Variants in PCTP observed in about 807,000 individuals in gnomAD.
PCTP encodes the protein phosphatidylcholine transfer protein, also known as START domain-containing protein 2.
Under a neutral mutation model 31.0 loss-of-function variants are expected in PCTP, and 27 were observed. The ratio of observed to expected loss-of-function variants is 0.87; its 90% CI spans 0.64 to 1.20. The LOEUF is 1.20. Among genes scored for constraint, PCTP ranks in the 50% most tolerant of loss-of-function variants. The pLI, the probability that PCTP is intolerant of heterozygous loss-of-function variation, is 0.00. For missense variants in PCTP, 287 were observed against 268.2 expected (o/e 1.07, Z -0.49); for synonymous variants, 108 against 101.2 (o/e 1.07, Z -0.40).
intron 1 of PCTP, among the ~76,000 whole-genome samples, chr17:55,755,203 G>A (rs915563273): frequency 6.6e-6 from 1 of 152,102 alleles, no homozygotes; most frequent in Non-Finnish European, 1.5e-5. Context: ...TGGACTGATG[G>A]TCCTTTAAGG....
chr17:55,841,085 G>T (rs900559394), intron 5 of PCTP, among the ~76,000 whole-genome samples: 1 of 152,232 alleles, frequency 6.6e-6, no homozygotes, highest in Non-Finnish European at 1.5e-5. Context: ...GTATGTGTAT[G>T]TGTGTTTGCA....
intron 5 of PCTP, among the ~76,000 whole-genome samples, chr17:55,832,424 G>C (rs765737812): frequency 1.3e-5 from 2 of 152,190 alleles, no homozygotes; most frequent in African/African-American, 2.4e-5. Context: ...AGGAAGGCTT[G>C]GAATGAAGAA....
intron 3 of PCTP, among the ~76,000 whole-genome samples, chr17:55,803,423 C>T (rs557786164): frequency 1.3e-5 from 2 of 152,094 alleles, no homozygotes; most frequent in African/African-American, 4.8e-5. Context: ...GCCAAAAGAA[C>T]GAAGCTGAAG....
chr17:55,819,010 C>CAAAAAAAAAAAAAAAAAAAAAAAA (rs56823756), intron 3 of PCTP, among the ~76,000 whole-genome samples: 3 of 51,110 alleles, frequency 5.9e-5, no homozygotes, highest in Non-Finnish European at 7.4e-5. Context: ...GGAAAGAAAT[C>CAAAAAAAAAAAAAAAAAAAAAAAA]AAAAAAAAAA....
chr17:55,814,232 G>A (rs764516749), intron 3 of PCTP, among the ~76,000 whole-genome samples: 2 of 152,058 alleles, frequency 1.3e-5, no homozygotes, highest in African/African-American at 4.8e-5. Flanking sequence ...GAAGGGACAT[G>A]CACATTTGTC....
intron 3 of PCTP, among the ~76,000 whole-genome samples, chr17:55,771,923 C>T (rs1385181592): frequency 1.3e-5 from 2 of 152,134 alleles, no homozygotes; most frequent in Non-Finnish European, 2.9e-5. Flanking sequence ...GAGTGTTTTA[C>T]AGGTTCAATT....
downstream of PCTP, among the ~76,000 whole-genome samples, chr17:55,825,419 C>T (rs527792167): frequency 7.2e-5 from 11 of 152,190 alleles, no homozygotes; most frequent in Non-Finnish European, 1.5e-4. Context: ...CCAAATTAAG[C>T]GTTAGATGTT....
At position 55,832,811 on chromosome 17, in the gene PCTP, G is replaced by A. The variant is rs184775839; in HGVS notation, n.505+9884G>A. On this transcript the variant is annotated intron_variant and non_coding_transcript_variant, in intron 5 of 5. Coordinates refer to the PCTP transcript ENST00000576221. ...ATTGCCTGTGTTCTGCTAGGCCCTG[G>A]ACATTGGAGTATGATTTACAACATC... Among the ~76,000 whole-genome samples, 339 of 152,272 alleles carry A rather than the reference G, an allele frequency of 2.2e-3. 1 individual carries two copies. The highest frequency in any genetic ancestry group is 0.01 in the Middle Eastern group (3 of 294).
chr17:55,783,369 G>C (rs1162455536), intron 2 of PCTP, among the ~76,000 whole-genome samples: 1 of 152,142 alleles, frequency 6.6e-6, no homozygotes, highest in Non-Finnish European at 1.5e-5. Flanking sequence ...CCAGAATCCT[G>C]AAAGAAGAAA....
At chr17:55,810,801 G>A (rs898338680) in intron 3 of PCTP, among the ~76,000 whole-genome samples, 4 of 152,224 alleles carry the variant, frequency 2.6e-5, no homozygotes, top group African/African-American at 9.7e-5. Context: ...TATGTGTTGA[G>A]CTAATGGGGC....
chr17:55,755,779 A>G (rs1208758233), intron 1 of PCTP, among the ~76,000 whole-genome samples: 1 of 152,142 alleles, frequency 6.6e-6, no homozygotes, highest in Non-Finnish European at 1.5e-5. Context: ...TTGATGCTGC[A>G]AATTATAAAT....
the PCTP span, among the ~76,000 whole-genome samples, chr17:55,848,029 T>G: frequency 6.6e-6 from 1 of 152,280 alleles, no homozygotes; most frequent in African/African-American, 2.4e-5. Context: ...TTCAAGCAAT[T>G]CTCATGCTTC....
rs562576371 is a variant in PCTP, at chr17:55,790,710, G to A, written c.317+3056G>A. Among the ~76,000 whole-genome samples the A allele has an allele frequency of 2.0e-3, 297 of 151,090 alleles. 2 individuals carry two copies. The highest frequency in any genetic ancestry group is 7.0e-3 in the African/African-American group (287 of 40,860). On this transcript the variant is annotated intron_variant, in intron 3 of 3. Transcript: ENST00000572536. ...CACATGGGTAGGAAGAATCAATATC[G>A]TGAAAATGGCCATACTGCCCAAGGT...
At chr17:55,765,502 A>C (rs1355844193) in intron 1 of PCTP, among the ~76,000 whole-genome samples, 1 of 152,006 alleles carries the variant, frequency 6.6e-6, no homozygotes, top group Non-Finnish European at 1.5e-5. Flanking sequence ...TTACCTCCAA[A>C]ATATATCCTT....
At chr17:55,845,085 CA>C (rs891404386), downstream of PCTP, among the ~76,000 whole-genome samples, 589 of 32,482 alleles carry the variant, frequency 0.018, no homozygotes, top group East Asian at 0.028. Flanking sequence ...AAAACTCCAT[CA>C]AAAAAAAAAA....
rs1276121859 is a variant in PCTP at position 55,751,229 on chromosome 17, C to G, written c.126C>G (p.Tyr42Ter). 1 of 1,541,894 alleles carries G rather than the reference C, an allele frequency of 6.5e-7. No individual in the cohort carries two copies. The highest frequency in any genetic ancestry group is 1.4e-5 in the African/African-American group (1 of 72,514). ...LLVETSGISI[Y>*]RLLDKKTGLY... ...TGGAGACCTCGGGCATCAGCATCTA[C>G]CGGCTGCTGGACAAGGTAGCGGCCA... Residue 42 changes from tyrosine (Y) to a stop codon, truncating the protein, a stop_gained, in exon 1 of 6, where the codon TAC becomes TAG. Transcript: ENST00000268896. LOFTEE classifies it high-confidence loss of function.
chr17:55,764,842 A>G (rs765522165), intron 1 of PCTP, among the ~76,000 whole-genome samples: 9 of 152,196 alleles, frequency 5.9e-5, no homozygotes, highest in Non-Finnish European at 1.2e-4. Context: ...AGTTCATCCA[A>G]AAGTTTATGT....
chr17:55,767,284 T>G (rs922077305), intron 1 of PCTP, 51 bp from the exon 2 acceptor site: 12 of 1,158,198 alleles, frequency 1.0e-5, no homozygotes, highest in Non-Finnish European at 1.5e-5. Flanking sequence ...GAATGCAGCT[T>G]TCTCTCAACT....
chr17:55,758,109 A>T (rs1314578547), intron 1 of PCTP, among the ~76,000 whole-genome samples: 5 of 152,224 alleles, frequency 3.3e-5, no homozygotes, highest in Non-Finnish European at 5.9e-5. Context: ...AGAGTGTGGA[A>T]CCAGTGCGCA....
Sources: allele counts gnomAD v4.1 joint callset (sites outside exome capture counted in the v4.1 genomes callset), GRCh38; gene constraint gnomAD v4.1.1; transcripts MANE v1.5; gene names NCBI Gene and HGNC (gene_info 2026-07-23, HGNC 2026-07-21).